Variants in DLG2 observed in about 807,000 individuals in gnomAD.
DLG2 encodes disks large homolog 2.
A neutral mutation model predicts 132.5 loss-of-function variants in DLG2; 45 were observed. The observed-to-expected ratio is 0.34, with a 90% CI of 0.27 to 0.44. The LOEUF is 0.44. DLG2 is among the 20% of genes least tolerant of loss of function. DLG2 has a pLI of 1.00. For synonymous variants in DLG2, 424 were observed against 419.6 expected (o/e 1.01, Z -0.13); for missense variants, 1,045 against 1,196.9 (o/e 0.87, Z 1.87).
chr11:83,660,910 A>G (rs1009605847), intron 18 of DLG2, among the ~76,000 whole-genome samples: 2 of 152,062 alleles, frequency 1.3e-5, no homozygotes, highest in African/African-American at 4.8e-5. Context: ...CCCCATAATA[A>G]TAATATCCAC....
chr11:83,793,863 G>C (rs947694303), intron 17 of DLG2, among the ~76,000 whole-genome samples: 2 of 152,108 alleles, frequency 1.3e-5, no homozygotes, highest in Non-Finnish European at 2.9e-5. Flanking sequence ...CCAACACAGA[G>C]TGCAATATAT....
At chr11:84,853,592 G>A (rs139142654) in intron 6 of DLG2, among the ~76,000 whole-genome samples, 4 of 151,916 alleles carry the variant, frequency 2.6e-5, no homozygotes, top group African/African-American at 7.2e-5. Context: ...ACCCTGCATC[G>A]AGCACTGTGC....
At chr11:84,749,472 T>A (rs756780645) in intron 6 of DLG2, among the ~76,000 whole-genome samples, 3 of 152,184 alleles carry the variant, frequency 2.0e-5, no homozygotes, top group Non-Finnish European at 4.4e-5. Flanking sequence ...TATGTATATA[T>A]GTTTAGGTAT....
rs1001079630 is a variant in DLG2 at position 84,030,288 on chromosome 11, G to A, written c.919+29027C>T. 7.2e-5 allele frequency among the ~76,000 whole-genome samples: 11 copies of A among 152,060 alleles called. 1 individual carries two copies. Among genetic ancestry groups the A allele is most frequent in the Admixed American group, 2.0e-4 (3 of 15,248 alleles). Reference sequence around the variant, plus strand: ...GAAAATCCTCAATCCACATAGGATTGTTTGAAAGAACAAATTAACATAAAA... The same window carrying A: ...GAAAATCCTCAATCCACATAGGATTATTTGAAAGAACAAATTAACATAAAA... On this transcript the variant is annotated intron_variant, in intron 11 of 27. Transcript: ENST00000376104.
intron 4 of DLG2, among the ~76,000 whole-genome samples, chr11:85,211,523 A>C (rs2082254461): frequency 6.6e-6 from 1 of 152,100 alleles, no homozygotes; most frequent in South Asian, 2.1e-4. Context: ...AATTTTCTTC[A>C]GGTATATAAA....
rs549184153 is a variant in DLG2 at position 83,886,958 on chromosome 11, G to C, written c.1497-12470C>G. 4.0e-3 allele frequency among the ~76,000 whole-genome samples: 606 copies of C among 151,880 alleles called. 7 individuals are homozygous for C. The highest frequency in any genetic ancestry group is 0.013 in the African/African-American group (547 of 41,394). On this transcript the variant is annotated intron_variant, in intron 15 of 27. Transcript: ENST00000376104. ...GGACACATTCAAAGCAGTGTGTAGA[G>C]GGAAATTTATAGCACTAAATGCCCA...
At chr11:83,533,837 G>C (rs1158615683) in intron 20 of DLG2, among the ~76,000 whole-genome samples, 1 of 152,104 alleles carries the variant, frequency 6.6e-6, no homozygotes, top group African/African-American at 2.4e-5. Context: ...AGCTCTTAGA[G>C]GATATGAAGC....
rs573138975 is a variant in DLG2 at position 85,414,483 on chromosome 11, G to A, written c.41-129118C>T. Among the ~76,000 whole-genome samples the A allele has an allele frequency of 1.9e-4, 29 of 151,836 alleles. No homozygotes were observed. The South Asian group carries it at 5.8e-3, about 30-fold the overall frequency. ...AGTGCTTGATATAATTTCAATTTTC[G>A]TAAATTTGTTGAGGCTCATTTTGTG... On this transcript the variant is annotated intron_variant, in intron 3 of 27. Transcript: ENST00000376104.
At chr11:83,588,386 C>T (rs576978771) in intron 19 of DLG2, among the ~76,000 whole-genome samples, 4 of 152,008 alleles carry the variant, frequency 2.6e-5, no homozygotes, top group Admixed American at 2.6e-4. Context: ...TGACACCTCA[C>T]ACAGCAGGGT....
intron 6 of DLG2, among the ~76,000 whole-genome samples, chr11:85,002,933 T>C (rs1295759196): frequency 6.6e-6 from 1 of 152,062 alleles, no homozygotes; most frequent in Non-Finnish European, 1.5e-5. Flanking sequence ...TAACATTTTC[T>C]ATTCTCCAGC....
chr11:84,592,933 TAAAAAAAAAAAAAAAAAAA>T (rs61017970), intron 6 of DLG2, among the ~76,000 whole-genome samples: 81 of 18,196 alleles, frequency 4.5e-3, no homozygotes, highest in Middle Eastern at 0.042. Context: ...CTGTCTCTAC[TAAAAAAAAAAAAAAAAAAA>T]AAAAAAAAAA....
chr11:84,332,508 C>CGT (rs1555509658), intron 7 of DLG2, among the ~76,000 whole-genome samples: 1 of 78,292 alleles, frequency 1.3e-5, no homozygotes, highest in African/African-American at 5.7e-5. Context: ...CCGCGCCTGG[C>CGT]TTTTTTTTTT....
chr11:84,139,328 C>A (rs1945819), intron 9 of DLG2, among the ~76,000 whole-genome samples: 103,309 of 151,884 alleles, frequency 0.68, 36,353 homozygotes, highest in Middle Eastern at 0.8. Context: ...AATATGATAA[C>A]ATTTTAGGAG....
chr11:85,092,771 T>G (rs1291228211), intron 6 of DLG2, among the ~76,000 whole-genome samples: 2 of 151,904 alleles, frequency 1.3e-5, no homozygotes, highest in Non-Finnish European at 2.9e-5. Context: ...GCCTCCCAAG[T>G]AGCTGGGACT....
chr11:83,827,326 T>C (rs778466680), intron 17 of DLG2, among the ~76,000 whole-genome samples: 2 of 152,148 alleles, frequency 1.3e-5, no homozygotes, highest in Non-Finnish European at 2.9e-5. Context: ...TTCTGTTTAA[T>C]TAACTTGAAA....
intron 11 of DLG2, among the ~76,000 whole-genome samples, chr11:84,020,433 A>G (rs1292100419): frequency 1.3e-5 from 2 of 152,178 alleles, no homozygotes; most frequent in Admixed American, 6.6e-5. Context: ...AATAAAAATG[A>G]GTCCACTGTA....
Position 84,596,436 on chromosome 11 carries a change from TC to T in DLG2, c.358-61706del, listed in dbSNP as rs1351751446. 2.0e-5 allele frequency among the ~76,000 whole-genome samples: 3 copies of T among 149,360 alleles called. No individual in the cohort carries two copies. The East Asian group carries it at 6.0e-4, about 30-fold the overall frequency. Reference sequence around the variant, plus strand: ...CGGGGTTTCGACACGTTGGCCAGGCTCCTCTCGAACTTCTGACCTCAGGTGA... The same window carrying T: ...CGGGGTTTCGACACGTTGGCCAGGCTCTCTCGAACTTCTGACCTCAGGTGA... On this transcript the variant is annotated intron_variant, in intron 6 of 27. Coordinates refer to ENST00000376104, the MANE Select transcript of DLG2 (RefSeq NM_001142699.3).
At chr11:85,323,285 T>C (rs1339544255) in intron 3 of DLG2, among the ~76,000 whole-genome samples, 1 of 152,222 alleles carries the variant, frequency 6.6e-6, no homozygotes, top group East Asian at 1.9e-4. Context: ...CTTTCCTAAC[T>C]AGGCAGAAAA....
chr11:85,226,506 T>A (rs536737048), intron 4 of DLG2, among the ~76,000 whole-genome samples: 1 of 152,126 alleles, frequency 6.6e-6, no homozygotes. Flanking sequence ...TGAGCTATGA[T>A]CTCGCCACTA....
Sources: gnomAD v4.1 joint callset for allele counts (sites outside exome capture counted in the v4.1 genomes callset) on GRCh38, gnomAD v4.1.1 for gene constraint, MANE v1.5 for transcripts, NCBI Gene and HGNC (gene_info 2026-07-23, HGNC 2026-07-21) for gene names.